ITPK1: variants seen among roughly 807,000 people sequenced by gnomAD.
ITPK1 encodes the protein inositol 1,3,4-trisphosphate 5/6-kinase.
A neutral mutation model predicts 45.3 loss-of-function variants in ITPK1; 21 were observed. The ratio of observed to expected loss-of-function variants is 0.46; its 90% CI spans 0.33 to 0.67. The LOEUF is 0.67. Ranked by LOEUF, ITPK1 falls within the 30% of genes least tolerant of loss-of-function variation. The probability of loss-of-function intolerance (pLI) is 0.02; values close to 1 mark genes in which losing one functional copy is unlikely to be tolerated. For synonymous variants in ITPK1, 258 were observed against 253.6 expected (o/e 1.02, Z -0.16); for missense variants, 474 against 573.5 (o/e 0.83, Z 1.77).
intron 2 of ITPK1, among the ~76,000 whole-genome samples, chr14:93,084,991 C>G (rs559190183): frequency 3.9e-5 from 6 of 152,218 alleles, no homozygotes; most frequent in African/African-American, 1.4e-4. Context: ...ATTTCAGCAT[C>G]CCTGTGCCCC....
At position 93,111,978 on chromosome 14, in the gene ITPK1, G is replaced by A. The variant is rs1053427758; in HGVS notation, c.95+3091C>T. 9.9e-5 allele frequency among the ~76,000 whole-genome samples: 15 copies of A among 152,240 alleles called. No individual in the cohort carries two copies. In the South Asian group the frequency reaches 2.7e-3, roughly 27 times the overall value. On this transcript the variant is annotated intron_variant, in intron 2 of 10. Coordinates refer to ENST00000267615, the MANE Select transcript of ITPK1 (RefSeq NM_014216.6). ...TGGCGCCTGTCCCTACCTACGGCAG[G>A]TGGGGCACTTCATGGCCCATGAAGT...
chr14:92,962,865 G>C lies in ITPK1; in HGVS notation c.365-16C>G, dbSNP rs574899865. The stretch of plus-strand genomic sequence containing the variant: ...ATCCTGTCGTCTAGGGCAGAAGGGA[G>C]GCCTGGTCAGCACAGCTCCTGGGCA... On this transcript the variant is annotated splice_polypyrimidine_tract_variant and intron_variant, in intron 5 of 10. Transcript: ENST00000267615. The C allele has an allele frequency of 2.0e-5, 32 of 1,589,758 alleles. No homozygotes were observed. Among genetic ancestry groups the C allele is most frequent in the Non-Finnish European group, 2.7e-5 (31 of 1,159,728 alleles).
intron 5 of ITPK1, among the ~76,000 whole-genome samples, chr14:92,981,593 A>C (rs996306430): frequency 6.6e-6 from 1 of 152,018 alleles, no homozygotes; most frequent in African/African-American, 2.4e-5. Flanking sequence ...CCCCCAGTGC[A>C]TCTCCTTCTT....
chr14:93,011,541 C>T (rs1282088850), intron 4 of ITPK1, among the ~76,000 whole-genome samples: 1 of 152,214 alleles, frequency 6.6e-6, no homozygotes, highest in Non-Finnish European at 1.5e-5. Context: ...GCTTCCTTCC[C>T]AGATCCACTT....
At chr14:93,026,509 G>A (rs943264438) in intron 3 of ITPK1, among the ~76,000 whole-genome samples, 13 of 152,182 alleles carry the variant, frequency 8.5e-5, no homozygotes, top group Non-Finnish European at 1.6e-4. Context: ...AGACTGTATC[G>A]GCCAGGGCTG....
At chr14:93,088,336 G>GTT (rs764902793) in intron 2 of ITPK1, among the ~76,000 whole-genome samples, 19,096 of 124,448 alleles carry the variant, frequency 0.15, 1,366 homozygotes, top group South Asian at 0.2. Context: ...TTTTGGTTTT[G>GTT]TTTTGTTTTT....
chr14:93,034,910 C>T lies in ITPK1; in HGVS notation c.121-18109G>A, dbSNP rs1189744002. On this transcript the variant is annotated intron_variant, in intron 3 of 10. Coordinates refer to ENST00000267615, the MANE Select transcript of ITPK1 (RefSeq NM_014216.6). This position sits in a 1 kb window ranked among gnomAD's most constrained non-coding sequence, Gnocchi z 4.1. ...CTGGCCCTCCCATCACCTATGGGGC[C>T]TGGCAGGCCTTCCCTTCTCCAGCCC... Among the ~76,000 whole-genome samples, 1 of 152,254 alleles carries T rather than the reference C, an allele frequency of 6.6e-6. No homozygotes were observed. The highest frequency in any genetic ancestry group is 2.4e-5 in the African/African-American group (1 of 41,464).
intron 4 of ITPK1, chr14:92,999,005 C>T (rs887628880): frequency 2.0e-5 from 3 of 152,216 alleles, no homozygotes; most frequent in Non-Finnish European, 4.4e-5. Context: ...CATAAATCTT[C>T]GTGACCTTGG....
chr14:92,955,416 G>T (rs1050110846), intron 8 of ITPK1, among the ~76,000 whole-genome samples: 1 of 152,176 alleles, frequency 6.6e-6, no homozygotes, highest in Non-Finnish European at 1.5e-5. Flanking sequence ...GGGAGCCTGC[G>T]CTGCGTCCTC....
chr14:93,044,786 T>TA (rs575420804), intron 3 of ITPK1, among the ~76,000 whole-genome samples: 2 of 152,112 alleles, frequency 1.3e-5, no homozygotes, highest in South Asian at 2.1e-4. Flanking sequence ...GCACCAAGGC[T>TA]AGCAAAGGAG....
chr14:92,996,260 G>C (rs1887051513), intron 4 of ITPK1, among the ~76,000 whole-genome samples: 1 of 152,104 alleles, frequency 6.6e-6, no homozygotes, highest in South Asian at 2.1e-4. Context: ...AAAAAATAAA[G>C]AAAAATAAAT....
intron 2 of ITPK1, among the ~76,000 whole-genome samples, chr14:93,110,198 T>C (rs768356): frequency 0.23 from 35,373 of 151,916 alleles, 4,362 homozygotes; most frequent in African/African-American, 0.32. Flanking sequence ...CTTCCTCCTA[T>C]GTGAAGTTCT....
chr14:92,964,262 G>A (rs1370049088), intron 5 of ITPK1, among the ~76,000 whole-genome samples: 1 of 152,092 alleles, frequency 6.6e-6, no homozygotes, highest in Non-Finnish European at 1.5e-5. Flanking sequence ...CAGGCCCTCT[G>A]CACAGAGGCC....
chr14:93,022,734 C>G (rs1043922643), intron 3 of ITPK1, among the ~76,000 whole-genome samples: 3 of 152,110 alleles, frequency 2.0e-5, no homozygotes, highest in Non-Finnish European at 4.4e-5. Context: ...AGATGTTGGG[C>G]AGGCTGGTCT....
At chr14:92,990,726 T>G (rs779310713) in intron 5 of ITPK1, among the ~76,000 whole-genome samples, 3 of 151,978 alleles carry the variant, frequency 2.0e-5, no homozygotes, top group African/African-American at 7.3e-5. Flanking sequence ...AGAGCTGGGG[T>G]GGGAGAGGCC....
intron 3 of ITPK1, among the ~76,000 whole-genome samples, chr14:93,033,971 G>A (rs1276069522): frequency 6.6e-6 from 1 of 152,072 alleles, no homozygotes; most frequent in South Asian, 2.1e-4. Context: ...GGCAAGCACA[G>A]GACCTCTTCT....
At chr14:93,088,082 C>A (rs1327633765) in intron 2 of ITPK1, among the ~76,000 whole-genome samples, 1 of 152,196 alleles carries the variant, frequency 6.6e-6, no homozygotes, top group Non-Finnish European at 1.5e-5. Flanking sequence ...ATCGGCTACC[C>A]GAGAGACTCT....
chr14:92,946,211 G>T, intron 10 of ITPK1, 120 bp downstream of exon 10: 1 of 1,186,410 alleles, frequency 8.4e-7, no homozygotes, highest in Non-Finnish European at 1.2e-6. Flanking sequence ...GCACCTCCCC[G>T]GACCTCGTGG....
At chr14:93,069,003 C>T (rs527344101) in intron 3 of ITPK1, 3 of 152,516 alleles carry the variant, frequency 2.0e-5, no homozygotes, top group African/African-American at 4.8e-5. Context: ...CCAGGCACTC[C>T]GGCCAGAAAC....
Sources: allele counts gnomAD v4.1 joint callset (sites outside exome capture counted in the v4.1 genomes callset), GRCh38; gene constraint gnomAD v4.1.1; non-coding constraint Gnocchi (gnomAD v3.1); transcripts MANE v1.5; gene names NCBI Gene and HGNC (gene_info 2026-07-23, HGNC 2026-07-21).